The following KIAA0586 variants were observed in gnomAD, a reference collection of about 807,000 sequenced individuals.
KIAA0586 encodes the protein KIAA0586.
Under a neutral mutation model 169.8 loss-of-function variants are expected in KIAA0586, and 144 were observed. That is an observed-to-expected ratio of 0.85 (90% CI 0.74 to 0.97). The LOEUF is 0.97. Among genes scored for constraint, KIAA0586 ranks in the 50% least tolerant of loss-of-function variants. The pLI is 0.00. For synonymous variants in KIAA0586, 625 were observed against 612.4 expected, an observed-to-expected ratio of 1.02 and a Z score of -0.30; for missense variants, 1,854 against 1,823.0, an observed-to-expected ratio of 1.02 and a Z score of -0.31.
chr14:58,463,959 A>C (rs2040534561), intron 14 of KIAA0586: 2 of 440,472 alleles, frequency 4.5e-6, no homozygotes, highest in Non-Finnish European at 9.3e-6. Flanking sequence ...ACTGACCCCA[A>C]GACCTTGCAG....
chr14:58,462,478 C>T (rs1011983929), intron 14 of KIAA0586, among the ~76,000 whole-genome samples: 3 of 152,114 alleles, frequency 2.0e-5, no homozygotes, highest in African/African-American at 7.2e-5. Context: ...GTCTTGAACT[C>T]CTGACCTCAG....
rs1299308354 is a variant in KIAA0586, at chr14:58,460,974, T to G, written c.1885-12T>G. The stretch of plus-strand genomic sequence containing the variant: ...TGTTTTCATGGTGAGTTGAATAACT[T>G]TGTACACACAGGGGCTTTTGAAAGC... On this transcript the variant is annotated splice_polypyrimidine_tract_variant and intron_variant, in intron 13 of 30. Coordinates refer to ENST00000652326, the MANE Select transcript of KIAA0586 (RefSeq NM_001329943.3). 6.4e-6 allele frequency: 10 copies of G among 1,562,824 alleles called. No individual in the cohort carries two copies. Among genetic ancestry groups the G allele is most frequent in the African/African-American group, 1.4e-5 (1 of 71,680 alleles).
intron 29 of KIAA0586, chr14:58,521,899 G>T (rs576275046): frequency 6.8e-6 from 9 of 1,331,982 alleles, no homozygotes; most frequent in Middle Eastern, 1.9e-4. Flanking sequence ...GAAGATGGGG[G>T]ATGACCAGCT....
intron 29 of KIAA0586, among the ~76,000 whole-genome samples, chr14:58,528,674 G>A (rs1002830423): frequency 2.0e-5 from 3 of 152,090 alleles, no homozygotes; most frequent in Admixed American, 1.3e-4. Context: ...AAGACACAAC[G>A]TACCAGAATT....
Position 58,460,135 on chromosome 14 carries a change from A to G in KIAA0586, c.1884+65A>G, listed in dbSNP as rs2040206311. The G allele has an allele frequency of 5.2e-6, 5 of 954,650 alleles. No homozygotes were observed. The African/African-American group carries it at 8.3e-5, about 16-fold the overall frequency. The allele number at this position is 954,650 out of a possible 1,614,324, so 59.1% of individuals were successfully genotyped here. On this transcript the variant is annotated intron_variant, in intron 13 of 30. Transcript: ENST00000652326. Reference sequence around the variant, plus strand: ...TATAATTGATCATTTCCTTTAAGAGATAAATAATGAAGCGAATGTGAAGGT... The same window carrying G: ...TATAATTGATCATTTCCTTTAAGAGGTAAATAATGAAGCGAATGTGAAGGT...
At position 58,453,373 on chromosome 14, in the gene KIAA0586, AT is replaced by A. The variant is rs1196465167; in HGVS notation, c.1157del (p.Leu386Ter). 1 of 1,389,016 alleles carries A rather than the reference AT, an allele frequency of 7.2e-7. No homozygotes were observed. The highest frequency in any genetic ancestry group is 2.6e-5 in the East Asian group (1 of 39,104). 86.0% of individuals were successfully genotyped at this position (1,389,016 alleles called of 1,614,324 possible). A position where few individuals can be genotyped will look rare whatever the true frequency, so the allele number is the denominator to read the frequency against. The part of the protein sequence containing the change: ...HRGNVRLLEQ[I>X]LNNNDSLTRK... ...AGGAAATGTAAGACTATTGGAACAA[AT>A]TTTGAATAATAATGATTCTTTGACA... is the stretch of plus-strand genomic sequence containing the variant. On this transcript the variant is annotated frameshift_variant, in exon 9 of 31. Coordinates refer to ENST00000652326, the MANE Select transcript of KIAA0586 (RefSeq NM_001329943.3). LOFTEE classifies it high-confidence loss of function.
intron 29 of KIAA0586, among the ~76,000 whole-genome samples, chr14:58,532,185 G>GA (rs973711401): frequency 0.012 from 1,771 of 142,998 alleles, 36 homozygotes; most frequent in African/African-American, 0.043. Context: ...ATGTGTAATT[G>GA]AAAAAAAAAA....
rs778505856 is a variant in KIAA0586 at position 58,470,621 on chromosome 14, C to CA, written c.2452dup (p.Ser818LysfsTer5). The CA allele has an allele frequency of 1.3e-6, 2 of 1,584,336 alleles. No individual in the cohort carries two copies. The highest frequency in any genetic ancestry group is 2.7e-5 in the African/African-American group (2 of 74,266). ...GTTGTATTCTGTTTTAGGTATTACC[C>CA]AGTGTAGATATTGACAGCATTTCAA... is the stretch of plus-strand genomic sequence containing the variant. On this transcript the variant is annotated frameshift_variant, in exon 17 of 31. Coordinates refer to ENST00000652326, the MANE Select transcript of KIAA0586 (RefSeq NM_001329943.3). LOFTEE classifies it high-confidence loss of function.
chr14:58,460,063 G>A lies in KIAA0586; in HGVS notation c.1877G>A (p.Arg626Lys). Residue 626 changes from arginine to lysine, a missense_variant, in exon 13 of 31, where the codon AGA (arginine) becomes AAA (lysine). Arg to Lys is a conservative substitution (Grantham distance 26). Coordinates refer to ENST00000652326, the MANE Select transcript of KIAA0586 (RefSeq NM_001329943.3). ...CCTGCTTCAAGTTTACAGAAAGAGA[G>A]AAAGGAAGTAAGATCCTAATCTGTT... ...GMPASSLQKERKEGLLKATTV... is the reference protein window; with the variant it reads ...GMPASSLQKEKKEGLLKATTV... The A allele has an allele frequency of 6.7e-7, 1 of 1,493,628 alleles. No individual in the cohort carries two copies. Among genetic ancestry groups the A allele is most frequent in the Non-Finnish European group, 9.0e-7 (1 of 1,112,136 alleles). 92.5% of individuals were successfully genotyped at this position (1,493,628 alleles called of 1,614,324 possible).
chr14:58,513,000 T>C (rs562800071), intron 29 of KIAA0586, among the ~76,000 whole-genome samples: 10 of 152,164 alleles, frequency 6.6e-5, no homozygotes, highest in African/African-American at 2.4e-4. Context: ...AGCACATTAT[T>C]TAGTGCGTGG....
chr14:58,528,305 A>T (rs2045732016), intron 29 of KIAA0586, among the ~76,000 whole-genome samples: 1 of 152,148 alleles, frequency 6.6e-6, no homozygotes, highest in Non-Finnish European at 1.5e-5. Flanking sequence ...TGAGACAGAA[A>T]ATTAACAAGG....
At chr14:58,442,665 G>C in intron 4 of KIAA0586, 41 bp from the exon 5 acceptor site, 2 of 1,351,656 alleles carry the variant, frequency 1.5e-6, no homozygotes, top group Non-Finnish European at 2.0e-6. Context: ...ATGTTTCAAT[G>C]TAGTTTACTG....
chr14:58,450,983 C>CTTTTTTTTTTTT (rs10712126), intron 8 of KIAA0586, among the ~76,000 whole-genome samples: 2 of 85,392 alleles, frequency 2.3e-5, no homozygotes, highest in Non-Finnish European at 2.3e-5. Context: ...GTTTTGTTAA[C>CTTTTTTTTTTTT]TTTTTTTTTT....
At chr14:58,481,704 C>G (rs555108527) in intron 20 of KIAA0586, among the ~76,000 whole-genome samples, 119 of 152,108 alleles carry the variant, frequency 7.8e-4, no homozygotes, top group African/African-American at 2.7e-3. Context: ...GTAAGTTGTC[C>G]TCTTAGTCTT....
chr14:58,539,441 G>T (rs1032384771), intron 29 of KIAA0586, among the ~76,000 whole-genome samples: 1 of 152,152 alleles, frequency 6.6e-6, no homozygotes, highest in Non-Finnish European at 1.5e-5. Flanking sequence ...CATCATAACG[G>T]AGCCATGCCC....
chr14:58,491,731 T>C (rs1379710056), intron 25 of KIAA0586, among the ~76,000 whole-genome samples: 1 of 152,232 alleles, frequency 6.6e-6, no homozygotes, highest in African/African-American at 2.4e-5. Context: ...TTTTTGCTTG[T>C]GGTCCAAGTT....
At chr14:58,524,465 G>A (rs2045441367) in intron 29 of KIAA0586, among the ~76,000 whole-genome samples, 1 of 152,112 alleles carries the variant, frequency 6.6e-6, no homozygotes, top group Non-Finnish European at 1.5e-5. Context: ...ACGGGGCCTG[G>A]GAATGTAAAC....
chr14:58,538,151 A>G (rs1051026037), intron 29 of KIAA0586, among the ~76,000 whole-genome samples: 2 of 152,056 alleles, frequency 1.3e-5, no homozygotes, highest in Non-Finnish European at 2.9e-5. Context: ...ATGAGACCCC[A>G]TTTCTTTAAA....
chr14:58,472,031 C>T (rs944028684), intron 17 of KIAA0586, among the ~76,000 whole-genome samples, 168 bp from the exon 18 acceptor site: 1 of 152,006 alleles, frequency 6.6e-6, no homozygotes. Flanking sequence ...GGCTTGGGGA[C>T]TAGCTTGGAT....
Sources: gnomAD v4.1 joint callset for allele counts (sites outside exome capture counted in the v4.1 genomes callset) on GRCh38, gnomAD v4.1.1 for gene constraint, MANE v1.5 for transcripts, NCBI Gene and HGNC (gene_info 2026-07-23, HGNC 2026-07-21) for gene names.